Variants in GRB14 observed in about 807,000 individuals in gnomAD.
GRB14 encodes growth factor receptor-bound protein 14.
Under a neutral mutation model 69.1 loss-of-function variants are expected in GRB14, and 38 were observed. The ratio of observed to expected loss-of-function variants is 0.55; its 90% CI spans 0.42 to 0.72. The LOEUF is 0.72. GRB14 is among the 30% of genes least tolerant of loss of function. GRB14 has a pLI of 0.00. For synonymous variants in GRB14, 247 were observed against 241.3 expected (o/e 1.02, Z -0.22); for missense variants, 666 against 666.1 (o/e 1.00, Z 0.00).
rs71393628 is a variant in GRB14 at position 164,579,501 on chromosome 2, G to GCGCACA, written c.325-31686_325-31685insTGTGCG. Reference sequence around the variant, plus strand: ...CCTCATTTTATTACAGGGCACACTTGCACACACACACACACACACACACAC... The same window carrying GCGCACA: ...CCTCATTTTATTACAGGGCACACTTGCGCACACACACACACACACACACACACACAC... On this transcript the variant is annotated intron_variant, in intron 2 of 13. Transcript: ENST00000263915. 1.0e-4 allele frequency among the ~76,000 whole-genome samples: 15 copies of GCGCACA among 145,104 alleles called. No homozygotes were observed. The East Asian group carries it at 1.9e-3, about 18-fold the overall frequency.
Position 164,494,481 on chromosome 2 carries a change from C to T in GRB14, c.1426G>A (p.Val476Ile), listed in dbSNP as rs762904427. The change falls in exon 13 of 14, where the codon GTA becomes ATA. Residue 476 changes from valine to isoleucine, a missense_variant. Coordinates refer to ENST00000263915, the MANE Select transcript of GRB14 (RefSeq NM_004490.3). ...TTTTGTCCATGACTCATTGACAGTA[C>T]GAAAGTTTTGGGGTTACTCTGACTA... ...RDSQSNPKTF[V>I]LSMSHGQKIK... The T allele has an allele frequency of 1.6e-5, 25 of 1,604,556 alleles. No individual in the cohort carries two copies. The highest frequency in any genetic ancestry group is 4.5e-5 in the East Asian group (2 of 44,750).
At chr2:164,581,620 C>T (rs1004676762) in intron 2 of GRB14, among the ~76,000 whole-genome samples, 2 of 152,174 alleles carry the variant, frequency 1.3e-5, no homozygotes, top group African/African-American at 4.8e-5. Flanking sequence ...TGGATTTCAG[C>T]CCAGTGAACT....
Position 164,621,122 on chromosome 2 carries a change from T to C in GRB14, c.188A>G (p.Asp63Gly). ...LPDGTRGCAA[D>G]RRKKKDLDVP... ...CGCGCCCTCCAGGGTTGCCTACCTG[T>C]CTGCAGCACAGCCGCGGGTCCCGTC... The change falls in exon 1 of 14, where the codon GAC (aspartate) becomes GGC (glycine). Residue 63 changes from aspartate to glycine, a missense_variant. By Grantham distance (94) the Asp-to-Gly change is moderately conservative. Transcript: ENST00000263915. The surrounding 1 kb of genome is among the most constrained non-coding windows in gnomAD (Gnocchi z 6.0). 8.0e-7 allele frequency: 1 copy of C among 1,246,108 alleles called. No individual in the cohort carries two copies. The highest frequency in any genetic ancestry group is 3.2e-5 in the East Asian group (1 of 31,690). The allele number at this position is 1,246,108 out of a possible 1,614,324, so 77.2% of individuals were successfully genotyped here. A position where few individuals can be genotyped will look rare whatever the true frequency, so the allele number is the denominator to read the frequency against.
intron 2 of GRB14, among the ~76,000 whole-genome samples, chr2:164,574,518 G>A (rs1287328937): frequency 1.3e-5 from 2 of 152,026 alleles, no homozygotes; most frequent in Non-Finnish European, 2.9e-5. Flanking sequence ...TTACAGATGT[G>A]AGCCACCATG....
chr2:164,499,998 G>A (rs1687005753), intron 9 of GRB14, among the ~76,000 whole-genome samples: 1 of 152,154 alleles, frequency 6.6e-6, no homozygotes, highest in African/African-American at 2.4e-5. Flanking sequence ...GGTAAAAGCA[G>A]TAACAGATAT....
At chr2:164,517,028 G>C (rs1163078465) in intron 6 of GRB14, among the ~76,000 whole-genome samples, 1 of 152,014 alleles carries the variant, frequency 6.6e-6, no homozygotes, top group Admixed American at 6.6e-5. Context: ...ATCTGTATTA[G>C]CCTGTTTTCA....
intron 2 of GRB14, among the ~76,000 whole-genome samples, chr2:164,554,024 T>C (rs1168977876): frequency 6.6e-6 from 1 of 152,100 alleles, no homozygotes; most frequent in Non-Finnish European, 1.5e-5. Flanking sequence ...GAGTTGAATA[T>C]GCCTCTTGCC....
At chr2:164,527,817 G>A (rs935553300) in intron 3 of GRB14, among the ~76,000 whole-genome samples, 1 of 151,976 alleles carries the variant, frequency 6.6e-6, no homozygotes, top group African/African-American at 2.4e-5. Context: ...CTTAAATGAA[G>A]TAAGCAAAGG....
In GRB14 at chr2:164,502,326, G is replaced by A; in HGVS notation, c.1033C>T (p.Gln345Ter). The A allele has an allele frequency of 6.4e-7, 1 of 1,570,048 alleles. No individual in the cohort carries two copies. ...TAIRLLKYGM[Q>*]LYQNYMHPYQ... ...GGATGCATATAATTCTGGTACAGCT[G>A]CATGCCATACTGCAGAATAAATAAA... The change falls in exon 9 of 14, where the codon CAG becomes TAG. Residue 345 changes from glutamine to a stop codon, truncating the protein, a stop_gained. Transcript: ENST00000263915. LOFTEE classifies it high-confidence loss of function.
At chr2:164,533,515 C>T (rs1278102959) in intron 3 of GRB14, among the ~76,000 whole-genome samples, 1 of 152,048 alleles carries the variant, frequency 6.6e-6, no homozygotes, top group Non-Finnish European at 1.5e-5. Context: ...CCACCGCGCC[C>T]GGCCCCAATT....
Position 164,502,289 on chromosome 2 carries a change from C to G in GRB14, c.1070G>C (p.Arg357Thr). 1 of 1,607,324 alleles carries G rather than the reference C, an allele frequency of 6.2e-7. No homozygotes were observed. Among genetic ancestry groups the G allele is most frequent in the South Asian group, 1.1e-5 (1 of 90,756 alleles). The change falls in exon 9 of 14, where the codon AGA (arginine) becomes ACA (threonine). Residue 357 changes from arginine (R) to threonine (T), a missense_variant. Arg to Thr is a moderately conservative substitution (Grantham distance 71). Transcript: ENST00000263915. ...YQNYMHPYQG[R>T]SGCSSQSISP... ...TATGCTCTGTGAACTGCAGCCACTTCTACCTTGATATGGATGCATATAATT... is the reference window on the plus strand; with the variant it reads ...TATGCTCTGTGAACTGCAGCCACTTGTACCTTGATATGGATGCATATAATT...
chr2:164,572,629 G>C (rs73028051), intron 2 of GRB14, among the ~76,000 whole-genome samples: 4,419 of 152,172 alleles, frequency 0.029, 202 homozygotes, highest in African/African-American at 0.1. Context: ...ACCTGTCCTT[G>C]CAATACTACC....
intron 6 of GRB14, among the ~76,000 whole-genome samples, chr2:164,520,629 G>C (rs1687612229): frequency 6.6e-6 from 1 of 151,980 alleles, no homozygotes; most frequent in Non-Finnish European, 1.5e-5. Context: ...CTAATATCCA[G>C]AATCTACAAG....
At chr2:164,551,896 G>A (rs368842154) in intron 2 of GRB14, among the ~76,000 whole-genome samples, 2 of 152,120 alleles carry the variant, frequency 1.3e-5, no homozygotes, top group East Asian at 1.9e-4. Flanking sequence ...AGGTTTATTC[G>A]GCTCATGGTT....
chr2:164,582,418 TTTA>T (rs200905372), intron 2 of GRB14, among the ~76,000 whole-genome samples: 21 of 100,656 alleles, frequency 2.1e-4, no homozygotes, highest in African/African-American at 1.0e-3. Flanking sequence ...TATTTATTTA[TTTA>T]TTATTTTTTT....
chr2:164,607,038 G>C (rs1407158360), intron 2 of GRB14, among the ~76,000 whole-genome samples: 1 of 152,158 alleles, frequency 6.6e-6, no homozygotes, highest in East Asian at 1.9e-4. Context: ...AACCCATTCT[G>C]ACCAAGGGTA....
intron 2 of GRB14, among the ~76,000 whole-genome samples, chr2:164,585,085 CTTTTTTTTTTTTTTTTTTT>C (rs146962375): frequency 3.7e-4 from 20 of 54,378 alleles, no homozygotes; most frequent in African/African-American, 9.9e-4. Context: ...CCATGCCTGG[CTTTTTTTTTTTTTTTTTTT>C]TTTTTTTTTT....
At chr2:164,508,318 CAT>C (rs1252601403) in intron 8 of GRB14, 135 bp downstream of exon 8, 4 of 632,894 alleles carry the variant, frequency 6.3e-6, no homozygotes, top group Non-Finnish European at 8.2e-6. Flanking sequence ...ATTTTAAAAA[CAT>C]ACACATTTGG....
intron 2 of GRB14, chr2:164,573,974 T>G: frequency 6.3e-7 from 1 of 1,599,766 alleles, no homozygotes; most frequent in South Asian, 1.1e-5. Context: ...AAGCCTTTCC[T>G]TTAGAAGCCA....
Sources: allele counts gnomAD v4.1 joint callset (sites outside exome capture counted in the v4.1 genomes callset), GRCh38; gene constraint gnomAD v4.1.1; non-coding constraint Gnocchi (gnomAD v3.1); transcripts MANE v1.5; gene names NCBI Gene and HGNC (gene_info 2026-07-23, HGNC 2026-07-21).